TMEM236: variants seen among roughly 807,000 people sequenced by gnomAD.
TMEM236 encodes the protein family with sequence similarity 23, member A.
Under a neutral mutation model 14.7 loss-of-function variants are expected in TMEM236, and 11 were observed. The ratio of observed to expected loss-of-function variants is 0.75; its 90% confidence interval spans 0.47 to 1.24. The LOEUF is 1.24. Ranked by LOEUF, TMEM236 falls within the 50% of genes most tolerant of loss-of-function variation. TMEM236 has a pLI of 0.00. For missense variants in TMEM236, 464 were observed against 427.3 expected, an observed-to-expected ratio of 1.09 and a Z score of -0.76; for synonymous variants, 182 against 168.6, an observed-to-expected ratio of 1.08 and a Z score of -0.62.
intron 2 of TMEM236, among the ~76,000 whole-genome samples, chr10:17,772,187 C>T (rs1461211713): frequency 6.6e-6 from 1 of 152,048 alleles, no homozygotes; most frequent in Non-Finnish European, 1.5e-5. Context: ...AATAAACAGG[C>T]AATTAGAACA....
intron 3 of TMEM236, among the ~76,000 whole-genome samples, chr10:17,790,750 T>C (rs1009826144): frequency 2.0e-5 from 3 of 152,230 alleles, no homozygotes; most frequent in African/African-American, 4.8e-5. Context: ...GCCTAAATCA[T>C]TCATTTTTAG....
At chr10:17,795,298 A>G (rs1837992908) in intron 3 of TMEM236, among the ~76,000 whole-genome samples, 2 of 152,214 alleles carry the variant, frequency 1.3e-5, no homozygotes. Flanking sequence ...AGTCAAACAA[A>G]TCTAGGTGTG....
intron 3 of TMEM236, among the ~76,000 whole-genome samples, chr10:17,791,264 G>A (rs1837919557): frequency 6.7e-6 from 1 of 148,882 alleles, no homozygotes; most frequent in East Asian, 2.0e-4. Context: ...AGACAACATA[G>A]CAAGTCATCC....
intron 1 of TMEM236, among the ~76,000 whole-genome samples, chr10:17,757,773 G>A (rs1481572772): frequency 4.6e-5 from 7 of 151,744 alleles, no homozygotes; most frequent in African/African-American, 1.7e-4. Flanking sequence ...TATTTGTTTT[G>A]TTTTGTGTTT....
intron 2 of TMEM236, among the ~76,000 whole-genome samples, chr10:17,772,859 A>T (rs1378792649): frequency 1.3e-5 from 2 of 151,944 alleles, no homozygotes; most frequent in Non-Finnish European, 2.9e-5. Flanking sequence ...CCTCCTTTCC[A>T]GAAGTCACTT....
chr10:17,791,179 C>T lies in TMEM236; in HGVS notation c.473-4742C>T, dbSNP rs1389434460. Among the ~76,000 whole-genome samples the T allele has an allele frequency of 1.2e-4, 18 of 152,046 alleles. No homozygotes were observed. In the South Asian group the frequency reaches 3.7e-3, roughly 32 times the overall value. On this transcript the variant is annotated intron_variant, in intron 3 of 3. Coordinates refer to ENST00000377495, the MANE Select transcript of TMEM236 (RefSeq NM_001098844.3). ...TGGGAAAATAGGCTGCATGCAGTGG[C>T]CCATGCCTGTAATTTGGTGCGTTGG...
At chr10:17,767,457 C>A (rs1178057371) in intron 1 of TMEM236, among the ~76,000 whole-genome samples, 2 of 152,042 alleles carry the variant, frequency 1.3e-5, no homozygotes, top group African/African-American at 4.8e-5. Context: ...AAGACTCCAT[C>A]TCAAAAAATA....
chr10:17,782,115 A>G (rs972630478), intron 3 of TMEM236, among the ~76,000 whole-genome samples: 2 of 151,906 alleles, frequency 1.3e-5, no homozygotes, highest in African/African-American at 4.8e-5. Context: ...TGCTCTGGGC[A>G]GTTTCAGCTT....
At chr10:17,790,571 AAC>A (rs1837909974) in intron 3 of TMEM236, among the ~76,000 whole-genome samples, 1 of 152,198 alleles carries the variant, frequency 6.6e-6, no homozygotes, top group African/African-American at 2.4e-5. Context: ...AGAAATAAAT[AAC>A]AGTGTTTCTA....
intron 1 of TMEM236, among the ~76,000 whole-genome samples, chr10:17,761,438 A>G (rs1375270166): frequency 6.6e-6 from 1 of 152,114 alleles, no homozygotes; most frequent in African/African-American, 2.4e-5. Context: ...CACACCTGTA[A>G]TCCTAGCACT....
intron 1 of TMEM236, among the ~76,000 whole-genome samples, chr10:17,764,837 C>CTTTTTTTTTTT (rs1238545582): frequency 0.011 from 1,460 of 127,030 alleles, 49 homozygotes; most frequent in Middle Eastern, 0.014. Flanking sequence ...CAGATTTTCC[C>CTTTTTTTTTTT]TTTTTTTTTT....
intron 3 of TMEM236, among the ~76,000 whole-genome samples, chr10:17,787,553 C>A (rs1160311873): frequency 1.3e-5 from 2 of 152,180 alleles, no homozygotes; most frequent in African/African-American, 4.8e-5. Flanking sequence ...TGCCTTAGTG[C>A]AGGTTTTTTC....
In TMEM236 at chr10:17,782,018, C is replaced by G. The variant is rs953782850; in HGVS notation, c.472+5848C>G. 5.3e-5 allele frequency among the ~76,000 whole-genome samples: 8 copies of G among 152,254 alleles called. No individual in the cohort carries two copies. The East Asian group carries it at 9.7e-4, about 18-fold the overall frequency. ...AAGAGATAGATAGGTTGCCAACTCTCTCTCCAGGCCCAGCTCCCTGGCAAT... is the reference window on the plus strand; with the variant it reads ...AAGAGATAGATAGGTTGCCAACTCTGTCTCCAGGCCCAGCTCCCTGGCAAT... On this transcript the variant is annotated intron_variant, in intron 3 of 3. Transcript: ENST00000377495.
chr10:17,754,441 C>T (rs1008795015), intron 1 of TMEM236, among the ~76,000 whole-genome samples: 110 of 152,214 alleles, frequency 7.2e-4, no homozygotes, highest in African/African-American at 2.3e-3. Context: ...CCTCCTACCT[C>T]GACCTCCTGA....
chr10:17,758,994 A>T (rs1280199462), intron 1 of TMEM236, among the ~76,000 whole-genome samples: 1 of 152,172 alleles, frequency 6.6e-6, no homozygotes, highest in Non-Finnish European at 1.5e-5. Context: ...TTCCCATTTT[A>T]TGAGGGAGGA....
chr10:17,789,171 A>G (rs924500405), intron 3 of TMEM236, among the ~76,000 whole-genome samples: 1 of 152,188 alleles, frequency 6.6e-6, no homozygotes, highest in Non-Finnish European at 1.5e-5. Flanking sequence ...TGTAGGTTAT[A>G]TCTGTAGGGT....
intron 2 of TMEM236, among the ~76,000 whole-genome samples, chr10:17,772,907 T>C (rs915381227): frequency 6.6e-6 from 1 of 152,204 alleles, no homozygotes; most frequent in African/African-American, 2.4e-5. Context: ...AGTTTGTCTG[T>C]TTTTGAAATT....
rs1280615370 is a variant in TMEM236, at chr10:17,764,837, C to CCTTTTTTTTT, written c.258-6472_258-6471insCTTTTTTTTT. ...CTGCATGTCTGTTTTCAGATTTTCC[C>CCTTTTTTTTT]TTTTTTTTTTTTTGAGACGGGGTCT... On this transcript the variant is annotated intron_variant, in intron 1 of 3. Transcript: ENST00000377495. Among the ~76,000 whole-genome samples the CCTTTTTTTTT allele has an allele frequency of 7.1e-5, 9 of 127,428 alleles. No individual in the cohort carries two copies. In the East Asian group the frequency reaches 1.7e-3, roughly 24 times the overall value. The allele number at this position is 127,428 out of a possible 152,430, so 83.6% of individuals were successfully genotyped here.
At chr10:17,783,441 A>G (rs1313264955) in intron 3 of TMEM236, among the ~76,000 whole-genome samples, 1 of 152,186 alleles carries the variant, frequency 6.6e-6, no homozygotes, top group Non-Finnish European at 1.5e-5. Flanking sequence ...CCACTATCAC[A>G]TCAGCGAGAG....
Sources: gnomAD v4.1 joint callset for allele counts (sites outside exome capture counted in the v4.1 genomes callset) on GRCh38, gnomAD v4.1.1 for gene constraint, MANE v1.5 for transcripts, NCBI Gene and HGNC (gene_info 2026-07-23, HGNC 2026-07-21) for gene names.